The following HIF1A variants were observed in gnomAD, a reference collection of about 807,000 sequenced individuals.
The protein encoded by HIF1A is hypoxia inducible factor 1 subunit alpha, also known as hypoxia-inducible factor 1-alpha.
In HIF1A, 24 loss-of-function variants were observed where a neutral mutation model predicts 92.7. That is an observed-to-expected ratio of 0.26 (90% CI 0.19 to 0.36). The LOEUF (loss-of-function observed/expected upper bound fraction) is 0.36, where lower values mean the gene tolerates loss of function less well. Among genes scored for constraint, HIF1A ranks in the 10% least tolerant of loss-of-function variants. The probability of loss-of-function intolerance (pLI) is 1.00; values close to 1 mark genes in which losing one functional copy is unlikely to be tolerated. For missense variants in HIF1A, 799 were observed against 998.5 expected, an observed-to-expected ratio of 0.80 and a Z score of 2.69; for synonymous variants, 319 against 338.7, an observed-to-expected ratio of 0.94 and a Z score of 0.64.
intron 6 of HIF1A, among the ~76,000 whole-genome samples, chr14:61,729,110 C>A (rs148760552): frequency 6.6e-6 from 1 of 152,122 alleles, no homozygotes; most frequent in Admixed American, 6.5e-5. Context: ...CTGATACTTA[C>A]AATGTGGCCT....
intron 6 of HIF1A, among the ~76,000 whole-genome samples, chr14:61,731,111 T>C (rs960140105): frequency 1.3e-5 from 2 of 152,272 alleles, no homozygotes; most frequent in African/African-American, 4.8e-5. Context: ...ACAAGCAATG[T>C]TACTTTTATA....
At chr14:61,744,860 C>CGT (rs60361955) in intron 13 of HIF1A, 47 bp downstream of exon 13, 10,841 of 531,094 alleles carry the variant, frequency 0.02, 107 homozygotes, top group African/African-American at 0.049. Context: ...TGTGCTATTT[C>CGT]GTGTGTGTGT....
intron 7 of HIF1A, among the ~76,000 whole-genome samples, chr14:61,733,104 T>G (rs1326532440): frequency 6.6e-6 from 1 of 152,196 alleles, no homozygotes; most frequent in Non-Finnish European, 1.5e-5. Context: ...TTTTTTTCTT[T>G]TGAGACAGGA....
intron 1 of HIF1A, among the ~76,000 whole-genome samples, chr14:61,716,657 C>G (rs1410086293): frequency 6.6e-6 from 1 of 151,912 alleles, no homozygotes; most frequent in Non-Finnish European, 1.5e-5. Context: ...TGTTCTTAAT[C>G]TGAAGAACAA....
At chr14:61,725,790 A>T (rs1431750296) in intron 4 of HIF1A, among the ~76,000 whole-genome samples, 1 of 151,862 alleles carries the variant, frequency 6.6e-6, no homozygotes, top group African/African-American at 2.4e-5. Flanking sequence ...AATTGGAGTG[A>T]ATAGACTTTA....
chr14:61,732,589 T>C (rs896310265), intron 7 of HIF1A, 65 bp downstream of exon 7: 2 of 960,710 alleles, frequency 2.1e-6, no homozygotes, highest in Non-Finnish European at 3.3e-6. Flanking sequence ...CTGTACAGTT[T>C]GGCTACCCAT....
intron 7 of HIF1A, among the ~76,000 whole-genome samples, chr14:61,733,042 GACAA>G (rs1432105248): frequency 1.3e-5 from 2 of 152,090 alleles, no homozygotes; most frequent in African/African-American, 4.8e-5. Context: ...TATCTTGTGT[GACAA>G]ACAATCCAGT....
Position 61,747,042 on chromosome 14 carries a change from T to C in HIF1A, c.2438T>C (p.Leu813Pro), listed in dbSNP as rs1594891971. 6.2e-7 allele frequency: 1 copy of C among 1,613,562 alleles called. No individual in the cohort carries two copies. The highest frequency in any genetic ancestry group is 8.5e-7 in the Non-Finnish European group (1 of 1,179,834). The change falls in exon 15 of 15, where the codon CTG becomes CCG. Residue 813 changes from leucine to proline, a missense_variant. Leu to Pro is a moderately conservative substitution (Grantham distance 98, BLOSUM62 -3). Transcript: ENST00000337138. ...CCTATACAAGGCAGCAGAAACCTAC[T>C]GCAGGGTGAAGAATTACTCAGAGCT... ...NAPIQGSRNL[L>P]QGEELLRALD...
chr14:61,732,584 C>A, intron 7 of HIF1A, 60 bp downstream of exon 7: 1 of 1,029,406 alleles, frequency 9.7e-7, no homozygotes, highest in Non-Finnish European at 1.5e-6. Flanking sequence ...AACCTCTGTA[C>A]AGTTTGGCTA....
In HIF1A at chr14:61,740,875, A is replaced by C. The variant is rs949070716; in HGVS notation, c.1780A>C (p.Ser594Arg). The change falls in exon 12 of 15, where the codon AGT (serine) becomes CGT (arginine). Residue 594 changes from serine to arginine, a missense_variant. Coordinates refer to ENST00000337138, the MANE Select transcript of HIF1A (RefSeq NM_001530.4). Reference sequence around the variant, plus strand: ...CAGTTCCGCAAGCCCTGAAAGCGCAAGTCCTCAAAGCACAGTTACAGTATT... The same window carrying C: ...CAGTTCCGCAAGCCCTGAAAGCGCACGTCCTCAAAGCACAGTTACAGTATT... ...ESSSASPESASPQSTVTVFQQ... is the reference protein window; with the variant it reads ...ESSSASPESARPQSTVTVFQQ... The C allele has an allele frequency of 6.2e-7, 1 of 1,614,104 alleles. No individual in the cohort carries two copies. Among genetic ancestry groups the C allele is most frequent in the South Asian group, 1.1e-5 (1 of 91,092 alleles).
In HIF1A at chr14:61,737,118, T is replaced by C; in HGVS notation, c.1249+9T>C. The C allele has an allele frequency of 6.3e-7, 1 of 1,591,504 alleles. No homozygotes were observed. Among genetic ancestry groups the C allele is most frequent in the Non-Finnish European group, 8.6e-7 (1 of 1,159,924 alleles). On this transcript the variant is annotated intron_variant, in intron 9 of 14. Coordinates refer to ENST00000337138, the MANE Select transcript of HIF1A (RefSeq NM_001530.4). The stretch of plus-strand genomic sequence containing the variant: ...AGATTTTGGCAGCAACGGTGAGTAG[T>C]TATTTTTGTTAATCCCCTAAATTGT...
At chr14:61,743,365 C>T (rs2044737504) in intron 12 of HIF1A, among the ~76,000 whole-genome samples, 3 of 152,090 alleles carry the variant, frequency 2.0e-5, no homozygotes, top group African/African-American at 7.2e-5. Flanking sequence ...GCCACTGTGC[C>T]CAGCTAGCAA....
rs1460052863 is a variant in HIF1A, at chr14:61,740,977, A to G, written c.1882A>G (p.Thr628Ala). The G allele has an allele frequency of 6.2e-7, 1 of 1,613,966 alleles. No homozygotes were observed. The highest frequency in any genetic ancestry group is 1.3e-5 in the African/African-American group (1 of 74,930). The change falls in exon 12 of 15, where the codon ACA becomes GCA. Residue 628 changes from threonine (T) to alanine (A), a missense_variant. Around this residue, in one of 2 missense-constraint regions of HIF1A, gnomAD observed 283 missense variants for 277.5 expected, o/e 1.02. Transcript: ENST00000337138. Reference protein sequence around the residue: ...TATTDELKTVTKDRMEDIKIL... With the variant: ...TATTDELKTVAKDRMEDIKIL... ...CACCACTGATGAATTAAAAACAGTG[A>G]CAAAAGACCGTATGGAAGACATTAA...
chr14:61,698,369 C>T (rs924259020), intron 1 of HIF1A, among the ~76,000 whole-genome samples: 3 of 152,158 alleles, frequency 2.0e-5, no homozygotes, highest in Admixed American at 2.0e-4. Flanking sequence ...TGAGCTTGAG[C>T]AAGTTACTGA....
chr14:61,746,402 T>C (rs1381579281), intron 14 of HIF1A, among the ~76,000 whole-genome samples: 2 of 145,332 alleles, frequency 1.4e-5, no homozygotes, highest in African/African-American at 5.3e-5. Context: ...CTTTTTTTTT[T>C]TTTTTTTTTT....
At chr14:61,744,180 G>A (rs966860571) in intron 12 of HIF1A, among the ~76,000 whole-genome samples, 1 of 152,126 alleles carries the variant, frequency 6.6e-6, no homozygotes, top group Non-Finnish European at 1.5e-5. Flanking sequence ...ATTTAGTTGT[G>A]TTCAGCTCTA....
intron 4 of HIF1A, among the ~76,000 whole-genome samples, chr14:61,722,107 A>T (rs1391026568): frequency 2.0e-5 from 3 of 146,368 alleles, no homozygotes; most frequent in Non-Finnish European, 4.5e-5. Flanking sequence ...TTTTTTTAAG[A>T]TGGGGTCTCG....
At chr14:61,738,506 T>G in intron 10 of HIF1A, 133 bp downstream of exon 10, 1 of 866,302 alleles carries the variant, frequency 1.2e-6, no homozygotes. Context: ...TTTAGCACTT[T>G]AAAATTATTG....
intron 1 of HIF1A, among the ~76,000 whole-genome samples, chr14:61,706,511 T>C (rs922648842): frequency 5.9e-5 from 9 of 152,346 alleles, no homozygotes; most frequent in African/African-American, 2.2e-4. Context: ...CTATATTCAG[T>C]GTTTTGCCTG....
Sources: allele counts gnomAD v4.1 joint callset (sites outside exome capture counted in the v4.1 genomes callset), GRCh38; gene constraint gnomAD v4.1.1; regional missense constraint gnomAD v4.1.1; transcripts MANE v1.5; gene names NCBI Gene and HGNC (gene_info 2026-07-23, HGNC 2026-07-21).